The following CRADD variants were observed in gnomAD, a reference collection of about 807,000 sequenced individuals.
CRADD encodes the protein death domain-containing protein CRADD.
CRADD carries 9 observed loss-of-function variants against 15.5 expected under a neutral mutation model. That is an observed-to-expected ratio of 0.58 (90% CI 0.35 to 1.01). The LOEUF is 1.01. Among genes scored for constraint, CRADD ranks in the 50% least tolerant of loss-of-function variants. The pLI, the probability that CRADD is intolerant of heterozygous loss-of-function variation, is 0.02. For missense variants in CRADD, 227 were observed against 250.3 expected, an observed-to-expected ratio of 0.91 and a Z score of 0.63; for synonymous variants, 118 against 107.6, an observed-to-expected ratio of 1.10 and a Z score of -0.60.
intron 2 of CRADD, among the ~76,000 whole-genome samples, chr12:93,713,475 T>C (rs1182266092): frequency 6.6e-6 from 1 of 152,196 alleles, no homozygotes; most frequent in East Asian, 1.9e-4. Flanking sequence ...GATGCTCAAG[T>C]TCCTCATATA....
chr12:93,718,372 T>C (rs1203016240), intron 2 of CRADD, among the ~76,000 whole-genome samples: 1 of 152,216 alleles, frequency 6.6e-6, no homozygotes, highest in African/African-American at 2.4e-5. Context: ...CTTGTACGTA[T>C]TTTATTAGAT....
intron 2 of CRADD, among the ~76,000 whole-genome samples, chr12:93,784,312 A>C (rs1368422160): frequency 1.3e-5 from 2 of 152,152 alleles, no homozygotes; most frequent in African/African-American, 4.8e-5. Flanking sequence ...ATGGTATGAC[A>C]GGCACTGCAC....
At position 93,747,063 on chromosome 12, in the gene CRADD, T is replaced by C. The variant is rs576302264; in HGVS notation, c.298+67991T>C. On this transcript the variant is annotated intron_variant, in intron 2 of 2. Transcript: ENST00000332896. ...AAAAAAAGAATGGTTTTCACCACTT[T>C]TGGGGTTTCAGATTAGTGGATCTTT... Among the ~76,000 whole-genome samples the C allele has an allele frequency of 2.6e-5, 4 of 152,378 alleles. No individual in the cohort carries two copies. In the East Asian group the frequency reaches 7.7e-4, roughly 29 times the overall value.
rs891225122 is a variant in CRADD at position 93,739,912 on chromosome 12, A to G, written c.298+60840A>G. Among the ~76,000 whole-genome samples, 6 of 152,278 alleles carry G rather than the reference A, an allele frequency of 3.9e-5. No homozygotes were observed. The South Asian group carries it at 1.2e-3, about 32-fold the overall frequency. ...CCTCCCATTTTCCTCCTCATTACCA[A>G]TCACCTTCTTTAATTATAAGAGGGC... On this transcript the variant is annotated intron_variant, in intron 2 of 2. Coordinates refer to ENST00000332896, the MANE Select transcript of CRADD (RefSeq NM_003805.5).
chr12:93,877,222 C>T (rs1394158451), intron 2 of CRADD, among the ~76,000 whole-genome samples: 1 of 152,196 alleles, frequency 6.6e-6, no homozygotes, highest in Non-Finnish European at 1.5e-5. Flanking sequence ...ACAAGAACCT[C>T]TGTGGCTACC....
chr12:93,822,992 A>G (rs145063640), intron 2 of CRADD, among the ~76,000 whole-genome samples: 1 of 152,226 alleles, frequency 6.6e-6, no homozygotes, highest in Non-Finnish European at 1.5e-5. Context: ...AAATATACTC[A>G]TTTAAGAATA....
chr12:93,871,768 C>T (rs1447827449), intron 2 of CRADD, among the ~76,000 whole-genome samples: 1 of 152,184 alleles, frequency 6.6e-6, no homozygotes, highest in Non-Finnish European at 1.5e-5. Flanking sequence ...CTGAATAGTA[C>T]TCCATTATGT....
intron 2 of CRADD, among the ~76,000 whole-genome samples, chr12:93,688,317 A>G (rs1309539656): frequency 1.3e-5 from 2 of 152,238 alleles, no homozygotes; most frequent in Non-Finnish European, 2.9e-5. Context: ...AGCCTGGGCA[A>G]CATGGCAAAA....
At position 93,863,777 on chromosome 12, in the gene CRADD, T is replaced by A. The variant is rs148662565; in HGVS notation, c.299-30273T>A. Among the ~76,000 whole-genome samples, 459 of 152,300 alleles carry A rather than the reference T, an allele frequency of 3.0e-3. 1 individual carries two copies. Among genetic ancestry groups the A allele is most frequent in the African/African-American group, 0.01 (425 of 41,564 alleles). On this transcript the variant is annotated intron_variant, in intron 2 of 2. Coordinates refer to the CRADD transcript ENST00000548483. ...CAGTAACACCCCCAATAAGCACTGC[T>A]GTATGCTTCACATGAGTACCACTTT...
intron 2 of CRADD, among the ~76,000 whole-genome samples, chr12:93,792,355 C>T (rs1447829479): frequency 6.6e-6 from 1 of 152,098 alleles, no homozygotes; most frequent in Non-Finnish European, 1.5e-5. Flanking sequence ...CTATGGCTGG[C>T]CTGTATTCAG....
chr12:93,866,389 AT>A (rs1445652392), intron 2 of CRADD, among the ~76,000 whole-genome samples: 3 of 152,024 alleles, frequency 2.0e-5, no homozygotes, highest in African/African-American at 7.2e-5. Context: ...TGGATTTTTA[AT>A]TTATAACATA....
intron 2 of CRADD, among the ~76,000 whole-genome samples, chr12:93,878,313 A>C (rs1189428305): frequency 6.6e-6 from 1 of 152,076 alleles, no homozygotes; most frequent in Non-Finnish European, 1.5e-5. Context: ...AGGCCTCAGG[A>C]CCCTGATTAG....
intron 2 of CRADD, among the ~76,000 whole-genome samples, chr12:93,887,404 C>G (rs191858612): frequency 2.6e-5 from 4 of 152,246 alleles, no homozygotes; most frequent in Admixed American, 2.6e-4. Context: ...GGTCACAACA[C>G]AGAGGATACA....
At chr12:93,812,003 C>T (rs1296533840) in intron 2 of CRADD, among the ~76,000 whole-genome samples, 3 of 152,110 alleles carry the variant, frequency 2.0e-5, no homozygotes, top group African/African-American at 4.8e-5. Context: ...ACATTAAATA[C>T]ACGTTGATAA....
chr12:93,739,092 C>G (rs556148442), intron 2 of CRADD, among the ~76,000 whole-genome samples: 1 of 152,038 alleles, frequency 6.6e-6, no homozygotes, highest in East Asian at 1.9e-4. Flanking sequence ...AGGTATCTGA[C>G]TATGTAGAGA....
chr12:93,856,871 T>C (rs1281175708), intron 2 of CRADD, among the ~76,000 whole-genome samples: 3 of 152,232 alleles, frequency 2.0e-5, no homozygotes, highest in Non-Finnish European at 4.4e-5. Context: ...TCAAATTAGA[T>C]GTTGCTGGCA....
At position 93,678,893 on chromosome 12, in the gene CRADD, A is replaced by C. The variant is rs749888596; in HGVS notation, c.119A>C (p.His40Pro). 1 of 1,614,188 alleles carries C rather than the reference A, an allele frequency of 6.2e-7. No homozygotes were observed. The highest frequency in any genetic ancestry group is 1.1e-5 in the South Asian group (1 of 91,090). Residue 40 changes from histidine to proline, a missense_variant, in exon 2 of 3, where the codon CAT becomes CCT. Coordinates refer to ENST00000332896, the MANE Select transcript of CRADD (RefSeq NM_003805.5). ...LYQEGILTEN[H>P]IQEINAQTTG... ...CAGGAAGGAATCTTGACGGAAAACC[A>C]TATTCAAGAAATCAATGCTCAAACC...
chr12:93,699,981 T>C lies in CRADD; in HGVS notation c.298+20909T>C, dbSNP rs541796158. On this transcript the variant is annotated intron_variant, in intron 2 of 2. Coordinates refer to ENST00000332896, the MANE Select transcript of CRADD (RefSeq NM_003805.5). ...GAGCATGCAGCATGAAGGAGCGATC[T>C]CAGCGGGGAAGGGAATAAAGTAGGG... Among the ~76,000 whole-genome samples, 4 of 152,276 alleles carry C rather than the reference T, an allele frequency of 2.6e-5. No homozygotes were observed. The South Asian group carries it at 8.3e-4, about 32-fold the overall frequency.
At chr12:93,771,570 G>A (rs550595454) in intron 2 of CRADD, among the ~76,000 whole-genome samples, 1 of 152,340 alleles carries the variant, frequency 6.6e-6, no homozygotes, top group East Asian at 1.9e-4. Flanking sequence ...TGTTACTGGA[G>A]TGGAACTTTA....
Sources: allele counts gnomAD v4.1 joint callset (sites outside exome capture counted in the v4.1 genomes callset), GRCh38; gene constraint gnomAD v4.1.1; transcripts MANE v1.5; gene names NCBI Gene and HGNC (gene_info 2026-07-23, HGNC 2026-07-21).